The following CD53 variants were observed in gnomAD, a reference collection of about 807,000 sequenced individuals.
CD53 encodes the protein CD53 molecule.
In CD53, 20 loss-of-function variants were observed where a neutral mutation model predicts 27.3. That is an observed-to-expected ratio of 0.73 (90% CI 0.52 to 1.07). The LOEUF is 1.07. Among genes scored for constraint, CD53 ranks in the 50% least tolerant of loss-of-function variants. The pLI, the probability that CD53 is intolerant of heterozygous loss-of-function variation, is 0.00. For synonymous variants in CD53, 106 were observed against 105.3 expected (o/e 1.01, Z -0.04); for missense variants, 216 against 264.0 (o/e 0.82, Z 1.26).
At chr1:110,874,051 T>C (rs1299664235) in intron 1 of CD53, among the ~76,000 whole-genome samples, 2 of 152,246 alleles carry the variant, frequency 1.3e-5, no homozygotes, top group African/African-American at 4.8e-5. Context: ...TTAGCAGAGC[T>C]TCGGTCCTGA....
At chr1:110,872,875 C>A (rs149359270), upstream of CD53, among the ~76,000 whole-genome samples, 144 of 152,286 alleles carry the variant, frequency 9.5e-4, no homozygotes, top group African/African-American at 3.2e-3. Context: ...AAGCACTGTC[C>A]TTTTCTAAGC....
At chr1:110,886,869 A>ATATATATATATATATTTTT (rs1298376721) in intron 1 of CD53, among the ~76,000 whole-genome samples, 4 of 82,798 alleles carry the variant, frequency 4.8e-5, no homozygotes, top group Admixed American at 2.8e-4. Context: ...ATATATATAT[A>ATATATATATATATATTTTT]TTTTTTTTTT....
chr1:110,894,418 A>G lies in CD53; in HGVS notation c.327+17A>G, dbSNP rs760592993. 5 of 1,595,234 alleles carry G rather than the reference A, an allele frequency of 3.1e-6. No individual in the cohort carries two copies. Among genetic ancestry groups the G allele is most frequent in the Non-Finnish European group, 4.3e-6 (5 of 1,162,736 alleles). On this transcript the variant is annotated intron_variant, in intron 4 of 7. Transcript: ENST00000271324. ...GAACAGAAGGTAAGTTATAAAGACA[A>G]CAACTTATTGTCTTAATACTGAAAG...
intron 7 of CD53, 149 bp downstream of exon 7, chr1:110,898,041 G>T: frequency 2.0e-6 from 1 of 512,788 alleles, no homozygotes; most frequent in Non-Finnish European, 3.5e-6. Flanking sequence ...AGCAAATAAT[G>T]TAATTAACAA....
At chr1:110,886,218 C>T (rs1656595907) in intron 1 of CD53, among the ~76,000 whole-genome samples, 1 of 152,054 alleles carries the variant, frequency 6.6e-6, no homozygotes, top group Non-Finnish European at 1.5e-5. Flanking sequence ...AAGAAGTCTG[C>T]TCTTATCCTT....
chr1:110,899,187 G>A lies in CD53; in HGVS notation c.652G>A (p.Gly218Arg). Residue 218 changes from glycine to arginine, a missense_variant, in exon 8 of 8, where the codon GGG (glycine) becomes AGG (arginine). Physicochemically the swap from Gly to Arg is moderately radical, Grantham distance 125. Coordinates refer to ENST00000271324, the MANE Select transcript of CD53 (RefSeq NM_000560.4). ...GATTGACAAAACCAGCCAGACCATAGGGCTATGATCTGCAGTAGTCCTGTG... is the reference window on the plus strand; with the variant it reads ...GATTGACAAAACCAGCCAGACCATAAGGCTATGATCTGCAGTAGTCCTGTG... ...CQIDKTSQTIGL is the reference protein window; with the variant it reads ...CQIDKTSQTIRL The A allele has an allele frequency of 1.9e-6, 3 of 1,612,496 alleles. No individual in the cohort carries two copies. The highest frequency in any genetic ancestry group is 2.5e-6 in the Non-Finnish European group (3 of 1,178,592).
chr1:110,871,610 G>A (rs1655969213), upstream of CD53, among the ~76,000 whole-genome samples: 2 of 152,102 alleles, frequency 1.3e-5, no homozygotes, highest in Non-Finnish European at 2.9e-5. Context: ...CAGACAGATA[G>A]TAATTAGAGC....
chr1:110,887,346 G>A (rs866878716), intron 1 of CD53, among the ~76,000 whole-genome samples: 5 of 152,182 alleles, frequency 3.3e-5, no homozygotes, highest in African/African-American at 1.2e-4. Context: ...TTACAGGCGT[G>A]AGCCACCGCG....
At chr1:110,882,827 G>GT (rs1488316352) in intron 1 of CD53, among the ~76,000 whole-genome samples, 5 of 151,928 alleles carry the variant, frequency 3.3e-5, no homozygotes, top group Admixed American at 6.6e-5. Context: ...TGATGCTATT[G>GT]TAAATGATAC....
chr1:110,889,123 A>C (rs1284760255), intron 1 of CD53, among the ~76,000 whole-genome samples: 1 of 152,166 alleles, frequency 6.6e-6, no homozygotes, highest in Non-Finnish European at 1.5e-5. Flanking sequence ...ATTTTTTTAA[A>C]ATTCTAGATA....
chr1:110,886,104 T>A (rs562066224), intron 1 of CD53, among the ~76,000 whole-genome samples: 1 of 152,298 alleles, frequency 6.6e-6, no homozygotes, highest in South Asian at 2.1e-4. Context: ...TTTAAGTTAT[T>A]AAAATGTATT....
upstream of CD53, among the ~76,000 whole-genome samples, chr1:110,871,437 T>C (rs899374665): frequency 2.6e-5 from 4 of 152,058 alleles, no homozygotes; most frequent in African/African-American, 9.7e-5. Context: ...GAAAGGCCAG[T>C]CAGGCCTTTC....
chr1:110,891,479 T>A lies in CD53; in HGVS notation c.63+8T>A. The stretch of plus-strand genomic sequence containing the variant: ...TTCAACTTGCTCTTTTGGGTAAGTG[T>A]ATCTCTTCTGAGCACGGTTTAGCTC... On this transcript the variant is annotated splice_region_variant and intron_variant, in intron 2 of 7. Coordinates refer to ENST00000271324, the MANE Select transcript of CD53 (RefSeq NM_000560.4). 6.2e-7 allele frequency: 1 copy of A among 1,607,556 alleles called. No homozygotes were observed.
chr1:110,873,665 C>T (rs1003464923), intron 1 of CD53, among the ~76,000 whole-genome samples: 6 of 152,172 alleles, frequency 3.9e-5, no homozygotes, highest in Non-Finnish European at 8.8e-5. Context: ...TTTAGAAAGA[C>T]AGCTAGAAGA....
At chr1:110,882,377 T>A (rs1240603927) in intron 1 of CD53, among the ~76,000 whole-genome samples, 1 of 151,986 alleles carries the variant, frequency 6.6e-6, no homozygotes, top group Non-Finnish European at 1.5e-5. Context: ...AATTTTGTAT[T>A]TTTTTTGAAA....
chr1:110,899,131 G>C lies in CD53; in HGVS notation c.596G>C (p.Gly199Ala). The change falls in exon 8 of 8, where the codon GGG (glycine) becomes GCG (alanine). Residue 199 changes from glycine (G) to alanine (A), a missense_variant. By Grantham distance (60) the Gly-to-Ala change is moderately conservative. Transcript: ENST00000271324. The part of the protein sequence containing the change: ...TICVCVIEVL[G>A]MSFALTLNCQ... Reference sequence around the variant, plus strand: ...TCCCAACTCTTTTCACAGGTGTTGGGGATGTCCTTTGCACTGACCCTGAAC... The same window carrying C: ...TCCCAACTCTTTTCACAGGTGTTGGCGATGTCCTTTGCACTGACCCTGAAC... The C allele has an allele frequency of 6.2e-7, 1 of 1,613,576 alleles. No homozygotes were observed. Among genetic ancestry groups the C allele is most frequent in the African/African-American group, 1.3e-5 (1 of 75,016 alleles).
intron 6 of CD53, 127 bp downstream of exon 6, chr1:110,896,860 C>G: frequency 1.3e-6 from 1 of 741,380 alleles, no homozygotes; most frequent in Non-Finnish European, 2.2e-6. Context: ...AAAAGAGAGG[C>G]CAGGGCAACA....
At chr1:110,896,799 T>A in intron 6 of CD53, 66 bp downstream of exon 6, 6 of 1,402,706 alleles carry the variant, frequency 4.3e-6, no homozygotes, top group Non-Finnish European at 2.0e-6. Context: ...CCTCGGAAAC[T>A]GCAGTCATAG....
chr1:110,881,904 A>G (rs773512293), intron 1 of CD53, among the ~76,000 whole-genome samples: 2 of 152,168 alleles, frequency 1.3e-5, no homozygotes, highest in African/African-American at 2.4e-5. Flanking sequence ...TGCCATCCAT[A>G]TAGTATCTTC....
Sources: allele counts gnomAD v4.1 joint callset (sites outside exome capture counted in the v4.1 genomes callset), GRCh38; gene constraint gnomAD v4.1.1; transcripts MANE v1.5; gene names NCBI Gene and HGNC (gene_info 2026-07-23, HGNC 2026-07-21).